Variants in CNTN4 observed in about 807,000 individuals in gnomAD.
CNTN4 encodes contactin 4, also known as contactin-4.
Under a neutral mutation model 122.5 loss-of-function variants are expected in CNTN4, and 77 were observed. That is an observed-to-expected ratio of 0.63 (90% CI 0.52 to 0.76). The LOEUF is 0.76. CNTN4 is among the 30% of genes least tolerant of loss of function. The pLI is 0.00. For synonymous variants in CNTN4, 512 were observed against 447.0 expected (o/e 1.15, Z -1.83); for missense variants, 1,256 against 1,259.1 (o/e 1.00, Z 0.04).
At chr3:2,784,123 A>G (rs183235024) in intron 6 of CNTN4, among the ~76,000 whole-genome samples, 3 of 152,316 alleles carry the variant, frequency 2.0e-5, no homozygotes, top group East Asian at 3.9e-4. Context: ...GAAAATTGGG[A>G]TAATAGCAAC....
chr3:2,661,071 G>C (rs1235789860), intron 4 of CNTN4, among the ~76,000 whole-genome samples: 1 of 152,206 alleles, frequency 6.6e-6, no homozygotes, highest in East Asian at 1.9e-4. Context: ...AAGGGACAGT[G>C]AAATAAGTAT....
chr3:2,690,377 T>C (rs1409764480), intron 4 of CNTN4, among the ~76,000 whole-genome samples: 1 of 152,158 alleles, frequency 6.6e-6, no homozygotes, highest in African/African-American at 2.4e-5. Context: ...CATATCAGAA[T>C]GAGCATGATC....
intron 3 of CNTN4, among the ~76,000 whole-genome samples, chr3:2,495,299 C>G (rs148942983): frequency 1.6e-3 from 244 of 152,326 alleles, no homozygotes; most frequent in Non-Finnish European, 2.4e-3. Flanking sequence ...AATACATACT[C>G]TCTTAAAATA....
chr3:2,739,618 T>A (rs2149512464), intron 5 of CNTN4, among the ~76,000 whole-genome samples: 1 of 152,142 alleles, frequency 6.6e-6, no homozygotes, highest in South Asian at 2.1e-4. Flanking sequence ...GAAGCAAAAC[T>A]TTACCCCTCC....
chr3:2,957,367 T>C (rs1237507389), intron 13 of CNTN4, among the ~76,000 whole-genome samples: 1 of 152,158 alleles, frequency 6.6e-6, no homozygotes, highest in East Asian at 1.9e-4. Context: ...GTGGTTTTGG[T>C]TTGCATTTCT....
chr3:2,649,508 A>G (rs994616322), intron 4 of CNTN4, among the ~76,000 whole-genome samples: 1 of 152,206 alleles, frequency 6.6e-6, no homozygotes, highest in Non-Finnish European at 1.5e-5. Flanking sequence ...TGTTTACAAC[A>G]TGGTTTGCTG....
chr3:2,528,145 T>C (rs1014565861), intron 3 of CNTN4, among the ~76,000 whole-genome samples: 2 of 152,192 alleles, frequency 1.3e-5, no homozygotes, highest in African/African-American at 4.8e-5. Context: ...TGGTTGCATC[T>C]TGTTCACAGT....
intron 24 of CNTN4, among the ~76,000 whole-genome samples, chr3:3,055,666 T>G (rs534272258): frequency 6.6e-6 from 1 of 152,336 alleles, no homozygotes; most frequent in African/African-American, 2.4e-5. Context: ...TAAGTTACTT[T>G]ATTTCTCTGG....
chr3:2,602,438 A>G (rs934869073), intron 4 of CNTN4, among the ~76,000 whole-genome samples: 3 of 152,202 alleles, frequency 2.0e-5, no homozygotes, highest in South Asian at 2.1e-4. Flanking sequence ...AAGCATTCCT[A>G]TACACCAATA....
At chr3:2,729,831 T>C in intron 4 of CNTN4, among the ~76,000 whole-genome samples, 1 of 152,028 alleles carries the variant, frequency 6.6e-6, no homozygotes. Flanking sequence ...GGAGAATCGC[T>C]TGAACCTGGG....
intron 4 of CNTN4, among the ~76,000 whole-genome samples, chr3:2,678,526 G>T (rs751514255): frequency 1.3e-5 from 2 of 152,132 alleles, no homozygotes; most frequent in African/African-American, 4.8e-5. Context: ...CAATGGTTGT[G>T]GGAGGGAAGG....
chr3:2,175,351 C>T (rs997401104), intron 2 of CNTN4, among the ~76,000 whole-genome samples: 13 of 151,962 alleles, frequency 8.6e-5, no homozygotes, highest in African/African-American at 2.2e-4. Flanking sequence ...CCTTCATGGC[C>T]GAGTTTACCA....
At chr3:2,395,151 G>C (rs1015514903) in intron 3 of CNTN4, among the ~76,000 whole-genome samples, 8 of 152,126 alleles carry the variant, frequency 5.3e-5, no homozygotes, top group African/African-American at 1.7e-4. Context: ...ATCAGTAGGA[G>C]AATACATAAA....
chr3:2,397,470 A>G (rs2046682140), intron 3 of CNTN4, among the ~76,000 whole-genome samples: 1 of 151,516 alleles, frequency 6.6e-6, no homozygotes. Flanking sequence ...TGAGCACAAG[A>G]TTAGTCTCCT....
intron 3 of CNTN4, among the ~76,000 whole-genome samples, chr3:2,419,290 C>T (rs1249416374): frequency 6.6e-6 from 1 of 152,076 alleles, no homozygotes; most frequent in African/African-American, 2.4e-5. Context: ...CTTTCTGTAT[C>T]TTAGAACATT....
At position 2,201,728 on chromosome 3, in the gene CNTN4, C is replaced by T. The variant is rs575790544; in HGVS notation, c.-145+101089C>T. Among the ~76,000 whole-genome samples, 14 of 152,076 alleles carry T rather than the reference C, an allele frequency of 9.2e-5. 1 individual carries two copies. In the East Asian group the frequency reaches 1.7e-3, roughly 19 times the overall value. On this transcript the variant is annotated intron_variant, in intron 2 of 24. Transcript: ENST00000418658. ...CCTTGAGAATCCTTCAGCTGGCATG[C>T]GCTGCTGGCAAAAAAGGATATTTTT...
At chr3:2,999,398 T>G (rs985280306) in intron 14 of CNTN4, among the ~76,000 whole-genome samples, 5 of 152,168 alleles carry the variant, frequency 3.3e-5, no homozygotes, top group African/African-American at 1.2e-4. Flanking sequence ...AAAGTGTTGG[T>G]TTGGGGATTG....
intron 4 of CNTN4, among the ~76,000 whole-genome samples, chr3:2,701,552 T>C (rs1456193781): frequency 2.6e-5 from 4 of 152,176 alleles, no homozygotes; most frequent in Admixed American, 2.6e-4. Context: ...TCTCTGTGAA[T>C]GGTTTGAGCC....
At chr3:2,536,509 A>C (rs1332993565) in intron 3 of CNTN4, among the ~76,000 whole-genome samples, 1 of 152,124 alleles carries the variant, frequency 6.6e-6, no homozygotes, top group East Asian at 1.9e-4. Flanking sequence ...TATCATAAAA[A>C]CAGTTGATCC....
Sources: gnomAD v4.1 joint callset for allele counts (sites outside exome capture counted in the v4.1 genomes callset) on GRCh38, gnomAD v4.1.1 for gene constraint, MANE v1.5 for transcripts, NCBI Gene and HGNC (gene_info 2026-07-23, HGNC 2026-07-21) for gene names.